The following PDE11A variants were observed in gnomAD, a reference collection of about 807,000 sequenced individuals.
The protein encoded by PDE11A is phosphodiesterase 11A.
In PDE11A, 100 loss-of-function variants were observed where a neutral mutation model predicts 100.5. The ratio of observed to expected loss-of-function variants is 1.00; its 90% CI spans 0.85 to 1.18. The LOEUF (loss-of-function observed/expected upper bound fraction) is 1.18, where lower values mean the gene tolerates loss of function less well. PDE11A is among the 50% of genes most tolerant of loss of function. PDE11A has a pLI of 0.00. For synonymous variants in PDE11A, 381 were observed against 420.8 expected (o/e 0.91, Z 1.16); for missense variants, 1,141 against 1,152.6 (o/e 0.99, Z 0.15).
At chr2:177,934,712 A>G (rs1298859294) in intron 2 of PDE11A, among the ~76,000 whole-genome samples, 1 of 152,222 alleles carries the variant, frequency 6.6e-6, no homozygotes, top group East Asian at 1.9e-4. Flanking sequence ...ACTGTTCACA[A>G]TAGCAAAGCA....
At chr2:177,819,914 CTTTTTT>C (rs11409979) in intron 7 of PDE11A, among the ~76,000 whole-genome samples, 4 of 142,386 alleles carry the variant, frequency 2.8e-5, no homozygotes, top group African/African-American at 5.4e-5. Context: ...CTCTCTCTGG[CTTTTTT>C]TTTCACTCTC....
intron 10 of PDE11A, among the ~76,000 whole-genome samples, chr2:177,734,631 C>T (rs1013022489): frequency 6.6e-6 from 1 of 152,188 alleles, no homozygotes; most frequent in African/African-American, 2.4e-5. Context: ...CTACCTTTAA[C>T]ACTTACTTGG....
At chr2:177,852,645 C>T (rs1005591665) in intron 5 of PDE11A, among the ~76,000 whole-genome samples, 1 of 152,024 alleles carries the variant, frequency 6.6e-6, no homozygotes, top group African/African-American at 2.4e-5. Flanking sequence ...TCTCGAACAC[C>T]CAGGACTTGG....
At chr2:177,640,166 A>G (rs948943938) in intron 19 of PDE11A, among the ~76,000 whole-genome samples, 6 of 152,186 alleles carry the variant, frequency 3.9e-5, no homozygotes, top group African/African-American at 1.2e-4. Flanking sequence ...TATACCATAG[A>G]GGAGAAAGAA....
At chr2:177,771,689 A>T (rs1193288413) in intron 9 of PDE11A, among the ~76,000 whole-genome samples, 2 of 152,240 alleles carry the variant, frequency 1.3e-5, no homozygotes, top group Non-Finnish European at 1.5e-5. Flanking sequence ...ACTAAAGCAC[A>T]GTAAAATTCA....
intron 19 of PDE11A, among the ~76,000 whole-genome samples, chr2:177,631,668 C>T (rs1304093783): frequency 1.4e-5 from 2 of 143,132 alleles, no homozygotes; most frequent in Admixed American, 7.0e-5. Context: ...TATATATACA[C>T]ATATATATAT....
intron 9 of PDE11A, among the ~76,000 whole-genome samples, chr2:177,779,152 C>A (rs1267889955): frequency 3.3e-5 from 5 of 152,116 alleles, no homozygotes; most frequent in Non-Finnish European, 7.4e-5. Flanking sequence ...ATGCTGTAGC[C>A]TATTAAGTGT....
intron 6 of PDE11A, among the ~76,000 whole-genome samples, chr2:177,838,485 C>G (rs534901519): frequency 6.6e-6 from 1 of 152,138 alleles, no homozygotes; most frequent in Non-Finnish European, 1.5e-5. Flanking sequence ...TTTAGTCTAT[C>G]GTTCCTTCTC....
At chr2:177,647,248 G>C (rs1186609717) in intron 19 of PDE11A, among the ~76,000 whole-genome samples, 1 of 152,094 alleles carries the variant, frequency 6.6e-6, no homozygotes, top group Admixed American at 6.5e-5. Flanking sequence ...AAAACTTTTA[G>C]TTTGTTGAGC....
intron 12 of PDE11A, among the ~76,000 whole-genome samples, chr2:177,727,162 C>A (rs547397616): frequency 6.6e-6 from 1 of 152,094 alleles, no homozygotes; most frequent in East Asian, 1.9e-4. Flanking sequence ...GGCAAGTAAG[C>A]CCTAAACCTG....
intron 9 of PDE11A, among the ~76,000 whole-genome samples, chr2:177,795,573 CCTT>C (rs1345580621): frequency 6.6e-6 from 1 of 152,030 alleles, no homozygotes; most frequent in African/African-American, 2.4e-5. Flanking sequence ...TAGTCAAAGA[CCTT>C]CTGAAATGCC....
At chr2:177,864,871 A>G (rs1029236041) in intron 5 of PDE11A, among the ~76,000 whole-genome samples, 5 of 152,202 alleles carry the variant, frequency 3.3e-5, no homozygotes, top group African/African-American at 1.2e-4. Flanking sequence ...ACTACTTAAA[A>G]GTAATCATAC....
chr2:178,063,915 A>G (rs940775724), intron 1 of PDE11A, among the ~76,000 whole-genome samples: 2 of 152,216 alleles, frequency 1.3e-5, no homozygotes, highest in African/African-American at 4.8e-5. Context: ...AAACTCTCCT[A>G]TTATGTTCAA....
intron 1 of PDE11A, among the ~76,000 whole-genome samples, chr2:178,036,665 C>A (rs938929781): frequency 2.0e-5 from 3 of 152,036 alleles, no homozygotes; most frequent in African/African-American, 7.2e-5. Flanking sequence ...GTACTGGTAC[C>A]AAAACAGATA....
At chr2:177,722,600 T>A (rs1317944972) in intron 12 of PDE11A, among the ~76,000 whole-genome samples, 1 of 152,148 alleles carries the variant, frequency 6.6e-6, no homozygotes, top group Non-Finnish European at 1.5e-5. Flanking sequence ...AAACCTTTTT[T>A]AAATGATTAA....
chr2:177,777,523 T>C (rs2082394943), intron 9 of PDE11A, among the ~76,000 whole-genome samples: 1 of 152,216 alleles, frequency 6.6e-6, no homozygotes, highest in African/African-American at 2.4e-5. Flanking sequence ...TATTTAAAAG[T>C]ACTATTGCCC....
At chr2:178,024,593 A>G (rs1204412947) in intron 1 of PDE11A, among the ~76,000 whole-genome samples, 2 of 152,138 alleles carry the variant, frequency 1.3e-5, no homozygotes, top group South Asian at 2.1e-4. Context: ...TTGCCCCACC[A>G]AAAGATTCAG....
chr2:177,896,501 C>CA (rs80179194), intron 4 of PDE11A, among the ~76,000 whole-genome samples: 1,734 of 152,310 alleles, frequency 0.011, 27 homozygotes, highest in East Asian at 0.074. Context: ...CACTTGCTCC[C>CA]ACAGGGACCT....
At chr2:177,783,306 A>G (rs2082480770) in intron 9 of PDE11A, among the ~76,000 whole-genome samples, 1 of 152,180 alleles carries the variant, frequency 6.6e-6, no homozygotes, top group Admixed American at 6.5e-5. Flanking sequence ...CTATGGTTAG[A>G]TAACATTTCA....
Sources: allele counts gnomAD v4.1 joint callset (sites outside exome capture counted in the v4.1 genomes callset), GRCh38; gene constraint gnomAD v4.1.1; transcripts MANE v1.5; gene names NCBI Gene and HGNC (gene_info 2026-07-23, HGNC 2026-07-21).